The following NPSR1 variants were observed in gnomAD, a reference collection of about 807,000 sequenced individuals.
NPSR1 encodes the protein neuropeptide S receptor 1.
NPSR1 carries 48 observed loss-of-function variants against 46.9 expected under a neutral mutation model. The ratio of observed to expected loss-of-function variants is 1.02; its 90% CI spans 0.81 to 1.30. NPSR1 has a LOEUF of 1.30. Ranked by LOEUF, NPSR1 falls within the 50% of genes most tolerant of loss-of-function variation. NPSR1 has a pLI of 0.00. For missense variants in NPSR1, 450 were observed against 449.5 expected (o/e 1.00, Z -0.01); for synonymous variants, 176 against 168.1 (o/e 1.05, Z -0.36).
intron 2 of NPSR1, among the ~76,000 whole-genome samples, chr7:34,695,778 G>C (rs1446987259): frequency 1.3e-5 from 2 of 152,022 alleles, no homozygotes; most frequent in African/African-American, 4.8e-5. Context: ...AGTCAGAATG[G>C]CTATTATTAA....
intron 3 of NPSR1, among the ~76,000 whole-genome samples, chr7:34,783,103 T>C (rs748596515): frequency 1.3e-5 from 2 of 151,856 alleles, no homozygotes; most frequent in Non-Finnish European, 2.9e-5. Context: ...GAAAAAAGAA[T>C]GAGAAAAGAT....
intron 2 of NPSR1, among the ~76,000 whole-genome samples, chr7:34,722,250 T>A (rs1167615479): frequency 6.6e-6 from 1 of 152,148 alleles, no homozygotes; most frequent in Non-Finnish European, 1.5e-5. Context: ...GGACAAAACA[T>A]ACCTATAATG....
intron 2 of NPSR1, among the ~76,000 whole-genome samples, chr7:34,737,003 CTCT>C (rs1036539927): frequency 7.6e-6 from 1 of 131,830 alleles, no homozygotes; most frequent in Non-Finnish European, 1.7e-5. Context: ...TACTTTCTCT[CTCT>C]TCTAACTTTT....
chr7:34,810,528 G>A (rs180733466), intron 3 of NPSR1, among the ~76,000 whole-genome samples: 40 of 152,288 alleles, frequency 2.6e-4, no homozygotes, highest in Non-Finnish European at 4.3e-4. Context: ...ATGAAAAAGG[G>A]GAGCTCTCTG....
intron 6 of NPSR1, among the ~76,000 whole-genome samples, chr7:34,838,155 C>T (rs1217840915): frequency 3.3e-5 from 5 of 152,136 alleles, no homozygotes; most frequent in Admixed American, 1.3e-4. Flanking sequence ...AGGCTGACTT[C>T]CTGGCTCTCT....
intron 2 of NPSR1, among the ~76,000 whole-genome samples, chr7:34,741,410 T>G (rs910791755): frequency 1.3e-5 from 2 of 152,156 alleles, no homozygotes; most frequent in African/African-American, 4.8e-5. Flanking sequence ...TTTTGAAAAT[T>G]GTTATTCCCC....
chr7:34,752,027 G>C, intron 2 of NPSR1: 1 of 743,232 alleles, frequency 1.3e-6, no homozygotes, highest in South Asian at 1.5e-5. Flanking sequence ...GGGCCAGCCG[G>C]TAGTCCTGTG....
chr7:34,658,578 A>C lies in NPSR1; in HGVS notation c.147+19A>C. 3.1e-6 allele frequency: 5 copies of C among 1,611,526 alleles called. No individual in the cohort carries two copies. The highest frequency in any genetic ancestry group is 4.2e-6 in the Non-Finnish European group (5 of 1,178,034). On this transcript the variant is annotated intron_variant, in intron 1 of 8. Transcript: ENST00000360581. ...CTTTAAGGTAAGTTTCTTGCCTGCG[A>C]CTCTGAACACTGACTTATAACAATG...
chr7:34,778,514 T>G lies in NPSR1; in HGVS notation c.333T>G (p.Thr111=). The G allele has an allele frequency of 6.2e-7, 1 of 1,613,090 alleles. No homozygotes were observed. Among genetic ancestry groups the G allele is most frequent in the South Asian group, 1.1e-5 (1 of 91,032 alleles). The change falls in exon 3 of 9, where the codon ACT becomes ACG. Residue 111 remains threonine, a synonymous_variant. Coordinates refer to ENST00000360581, the MANE Select transcript of NPSR1 (RefSeq NM_207172.2). The stretch of plus-strand genomic sequence containing the variant: ...TGACAGATATTAATTGGCGATTCAC[T>G]GGAGACTTCACGGCACCTGACCTGG... ...NILTDINWRF[T]GDFTAPDLVC...
chr7:34,673,986 T>C (rs996279986), intron 1 of NPSR1, among the ~76,000 whole-genome samples: 3 of 152,038 alleles, frequency 2.0e-5, no homozygotes, highest in Non-Finnish European at 2.9e-5. Flanking sequence ...GGCCTCCCAG[T>C]TGGGTTACTC....
At chr7:34,784,306 T>C (rs1357622160) in intron 3 of NPSR1, among the ~76,000 whole-genome samples, 1 of 152,156 alleles carries the variant, frequency 6.6e-6, no homozygotes, top group African/African-American at 2.4e-5. Flanking sequence ...TTCAGTATGA[T>C]ATTGGCTGTG....
At chr7:34,750,846 G>C in intron 2 of NPSR1, 3 of 695,524 alleles carry the variant, frequency 4.3e-6, no homozygotes, top group Non-Finnish European at 8.2e-6. Context: ...ACCAGGCTTT[G>C]TCTGCTTGTC....
chr7:34,855,923 A>T (rs1791038546), intron 8 of NPSR1, among the ~76,000 whole-genome samples: 2 of 152,210 alleles, frequency 1.3e-5, no homozygotes, highest in Non-Finnish European at 2.9e-5. Flanking sequence ...TAAACTCAAC[A>T]GATGCAGAAA....
intron 1 of NPSR1, among the ~76,000 whole-genome samples, chr7:34,677,563 G>A (rs528971985): frequency 7.5e-4 from 114 of 152,304 alleles, no homozygotes; most frequent in Non-Finnish European, 1.4e-3. Flanking sequence ...AGAAAATAGG[G>A]AAGGTCGATG....
chr7:34,787,071 G>A (rs957108049), intron 3 of NPSR1, among the ~76,000 whole-genome samples: 5 of 152,096 alleles, frequency 3.3e-5, no homozygotes, highest in African/African-American at 1.2e-4. Context: ...TCTAGCTATA[G>A]AAGCGCTAGA....
At chr7:34,658,764 A>G (rs2530552) in intron 1 of NPSR1, among the ~76,000 whole-genome samples, 57,672 of 152,102 alleles carry the variant, frequency 0.38, 11,365 homozygotes, top group South Asian at 0.46. Flanking sequence ...AATACAGGTG[A>G]CGTTTTTCTT....
intron 2 of NPSR1, among the ~76,000 whole-genome samples, chr7:34,734,562 G>C (rs1335296709): frequency 5.3e-5 from 8 of 152,094 alleles, no homozygotes; most frequent in Non-Finnish European, 1.0e-4. Flanking sequence ...GACTGGGAGT[G>C]GCAATCAGCA....
At chr7:34,791,160 A>ATATATGTTATATATTATATATGT (rs1787840566) in intron 3 of NPSR1, among the ~76,000 whole-genome samples, 1 of 102,410 alleles carries the variant, frequency 9.8e-6, no homozygotes, top group East Asian at 2.6e-4. Context: ...GTTATATATT[A>ATATATGTTATATATTATATATGT]TATATGTTAT....
chr7:34,689,984 TC>T (rs1793165865), intron 2 of NPSR1, among the ~76,000 whole-genome samples: 1 of 150,086 alleles, frequency 6.7e-6, no homozygotes, highest in Non-Finnish European at 1.5e-5. Context: ...AGAAAAGAAA[TC>T]TGATGACATA....
Sources: gnomAD v4.1 joint callset for allele counts (sites outside exome capture counted in the v4.1 genomes callset) on GRCh38, gnomAD v4.1.1 for gene constraint, MANE v1.5 for transcripts, NCBI Gene and HGNC (gene_info 2026-07-23, HGNC 2026-07-21) for gene names.